Variants in ARID2 observed in about 807,000 individuals in gnomAD.
ARID2 encodes AT-rich interactive domain-containing protein 2.
In ARID2, 32 loss-of-function variants were observed where a neutral mutation model predicts 184.6. The ratio of observed to expected loss-of-function variants is 0.17; its 90% confidence interval spans 0.13 to 0.23. The LOEUF (loss-of-function observed/expected upper bound fraction) is 0.23. Ranked by LOEUF, ARID2 falls within the 10% of genes least tolerant of loss-of-function variation. ARID2 has a pLI of 1.00. For synonymous variants in ARID2, 836 were observed against 772.6 expected (o/e 1.08, Z -1.36); for missense variants, 1,696 against 2,197.6 (o/e 0.77, Z 4.56).
At chr12:45,746,103 T>G (rs1366181551) in intron 3 of ARID2, among the ~76,000 whole-genome samples, 2 of 151,580 alleles carry the variant, frequency 1.3e-5, no homozygotes, top group African/African-American at 4.8e-5. Context: ...TGGTTTGATT[T>G]TTTTTTTTTT....
Position 45,850,299 on chromosome 12 carries a change from A to G in ARID2, c.2176A>G (p.Thr726Ala), listed in dbSNP as rs1214635419. 6.2e-7 allele frequency: 1 copy of G among 1,614,092 alleles called. No individual in the cohort carries two copies. The highest frequency in any genetic ancestry group is 1.1e-5 in the South Asian group (1 of 91,082). ...ATVIQNSIPQ[T>A]GVPVSIAVGG... ...AGTTATCCAGAATTCCATACCCCAG[A>G]CAGGAGTTCCTGTTAGTATTGCTGT... Residue 726 changes from threonine (T) to alanine (A), a missense_variant, in exon 15 of 21, where the codon ACA becomes GCA. Coordinates refer to ENST00000334344, the MANE Select transcript of ARID2 (RefSeq NM_152641.4).
At chr12:45,784,830 C>A (rs1275716356) in intron 3 of ARID2, among the ~76,000 whole-genome samples, 1 of 152,138 alleles carries the variant, frequency 6.6e-6, no homozygotes, top group Non-Finnish European at 1.5e-5. Flanking sequence ...TAAACTCCTG[C>A]CTTTCTATAG....
At chr12:45,730,873 CTTTTTTTTTT>C (rs564524227) in intron 2 of ARID2, among the ~76,000 whole-genome samples, 1 of 96,688 alleles carries the variant, frequency 1.0e-5, no homozygotes. Flanking sequence ...TCCTTTTGAA[CTTTTTTTTTT>C]TTTTTTTTTT....
In ARID2 at chr12:45,839,429, G is replaced by A. The variant is rs762920882; in HGVS notation, c.1431G>A (p.Met477Ile). 6.2e-7 allele frequency: 1 copy of A among 1,614,108 alleles called. No homozygotes were observed. Among genetic ancestry groups the A allele is most frequent in the Non-Finnish European group, 8.5e-7 (1 of 1,179,996 alleles). The change falls in exon 11 of 21, where the codon ATG (methionine) becomes ATA (isoleucine). Residue 477 changes from methionine to isoleucine, a missense_variant. By Grantham distance (10) the Met-to-Ile change is conservative. This residue lies in a region of ARID2 where 713 missense variants were observed against 824.4 expected (regional missense o/e 0.86). Coordinates refer to ENST00000334344, the MANE Select transcript of ARID2 (RefSeq NM_152641.4). ...LIEHPSSSHQ[M>I]LSEIRPQAIE... ...AACACCCAAGTTCCAGTCATCAAAT[G>A]TTATCTGAAATTAGGCCACAAGCTA... is the stretch of plus-strand genomic sequence containing the variant.
rs187067799 is a variant in ARID2, at chr12:45,906,459, T to A, written c.*1381T>A. ...TCCTTAGGATGTGCAGTAAAAAATA[T>A]AGACCTAACAGTTTATGTTATAGAA... On this transcript the variant is annotated 3_prime_UTR_variant, in exon 21 of 21. Transcript: ENST00000334344. The A allele has an allele frequency of 1.7e-5, 4 of 232,946 alleles. No homozygotes were observed. The Admixed American group carries it at 2.2e-4, about 13-fold the overall frequency. The allele number at this position is 232,946 out of a possible 1,614,324, so 14.4% of individuals were successfully genotyped here.
In ARID2 at chr12:45,794,031, C is replaced by A. The variant is rs540694565; in HGVS notation, c.285-17387C>A. On this transcript the variant is annotated intron_variant, in intron 3 of 20. Coordinates refer to ENST00000334344, the MANE Select transcript of ARID2 (RefSeq NM_152641.4). ...TGTTTGGTAATTTCAGCATCTGGAG[C>A]AGTTTTGAGTGTGTTTTTATGGAAG... 3.6e-4 allele frequency among the ~76,000 whole-genome samples: 55 copies of A among 152,176 alleles called. No individual in the cohort carries two copies. The Middle Eastern group carries it at 0.01, about 28-fold the overall frequency.
At chr12:45,873,507 T>C (rs78787742) in intron 16 of ARID2, among the ~76,000 whole-genome samples, 3,259 of 152,332 alleles carry the variant, frequency 0.021, 56 homozygotes, top group Non-Finnish European at 0.034. Flanking sequence ...AACTTTTTCA[T>C]TTGTGGTTAT....
Position 45,892,028 on chromosome 12 carries a change from G to C in ARID2, c.5079G>C (p.Lys1693Asn). ...TCAAAAAGGATAAGCACTGTTCAAAGGATGCCCTACTTGCAGGATTAAAAC... is the reference window on the plus strand; with the variant it reads ...TCAAAAAGGATAAGCACTGTTCAAACGATGCCCTACTTGCAGGATTAAAAC... ...ITHLQDKHCS[K>N]DALLAGLKQD... The change falls in exon 18 of 21, where the codon AAG becomes AAC. Residue 1693 changes from lysine to asparagine, a missense_variant. By Grantham distance (94) the Lys-to-Asn change is moderately conservative (BLOSUM62 0). Around this residue, in one of 11 missense-constraint regions of ARID2, gnomAD observed 58 missense variants for 47.1 expected, o/e 1.23. Transcript: ENST00000334344. 1 of 1,614,144 alleles carries C rather than the reference G, an allele frequency of 6.2e-7. No homozygotes were observed. Among genetic ancestry groups the C allele is most frequent in the Non-Finnish European group, 8.5e-7 (1 of 1,180,006 alleles).
intron 6 of ARID2, among the ~76,000 whole-genome samples, chr12:45,834,782 T>A (rs995678379): frequency 6.6e-6 from 1 of 152,252 alleles, no homozygotes; most frequent in Non-Finnish European, 1.5e-5. Flanking sequence ...TCCATCATTT[T>A]GAAAATATCC....
intron 18 of ARID2, among the ~76,000 whole-genome samples, chr12:45,892,450 G>A (rs1944312823): frequency 6.6e-6 from 1 of 150,600 alleles, no homozygotes; most frequent in Admixed American, 6.6e-5. Flanking sequence ...ATTTGATAAT[G>A]GCAAAGAGAT....
At chr12:45,893,270 C>A in intron 18 of ARID2, 150 bp from the exon 19 acceptor site, 1 of 872,958 alleles carries the variant, frequency 1.1e-6, no homozygotes, top group Non-Finnish European at 1.6e-6. Flanking sequence ...AGAGCATAAA[C>A]GTTAATGCTA....
Position 45,852,629 on chromosome 12 carries a change from C to T in ARID2, c.4506C>T (p.Asp1502=), listed in dbSNP as rs750761318. ...CCCATTCTCCTGCCCTATCATCTGACGTTCGGTCTACAAATGGCACAGCAG... is the reference window on the plus strand; with the variant it reads ...CCCATTCTCCTGCCCTATCATCTGATGTTCGGTCTACAAATGGCACAGCAG... ...KVSHSPALSS[D]VRSTNGTAEC... Residue 1502 remains aspartate (D), a synonymous_variant, in exon 15 of 21, where the codon GAC becomes GAT. Transcript: ENST00000334344. 1.2e-5 allele frequency: 19 copies of T among 1,614,046 alleles called. No individual in the cohort carries two copies. Among genetic ancestry groups the T allele is most frequent in the African/African-American group, 5.3e-5 (4 of 74,928 alleles).
At chr12:45,770,264 C>A (rs565798584) in intron 3 of ARID2, among the ~76,000 whole-genome samples, 3 of 151,120 alleles carry the variant, frequency 2.0e-5, no homozygotes, top group Non-Finnish European at 4.4e-5. Flanking sequence ...AAAAAAAAAA[C>A]AAAAAACAAG....
In ARID2 at chr12:45,892,108, G is replaced by C. The variant is rs183046675; in HGVS notation, c.5147+12G>C. ...AAGTCTTCTACCAAGTAAGGAAAAT[G>C]AGTTTACTTCCTGTTGTACATACAA... On this transcript the variant is annotated intron_variant, in intron 18 of 20. Transcript: ENST00000334344. 87 of 1,610,132 alleles carry C rather than the reference G, an allele frequency of 5.4e-5. No homozygotes were observed. The highest frequency in any genetic ancestry group is 7.3e-5 in the Non-Finnish European group (86 of 1,178,234).
chr12:45,832,167 A>C (rs1943134640), intron 6 of ARID2, among the ~76,000 whole-genome samples: 1 of 152,096 alleles, frequency 6.6e-6, no homozygotes, highest in Non-Finnish European at 1.5e-5. Context: ...TGTTTCAAGG[A>C]TATTTTTGAT....
chr12:45,884,430 A>G (rs1944153297), intron 16 of ARID2, among the ~76,000 whole-genome samples: 2 of 152,204 alleles, frequency 1.3e-5, no homozygotes, highest in Admixed American at 1.3e-4. Flanking sequence ...CATTGTTATA[A>G]TACCTGAATT....
At chr12:45,789,856 T>A (rs192890831) in intron 3 of ARID2, among the ~76,000 whole-genome samples, 118 of 152,268 alleles carry the variant, frequency 7.7e-4, no homozygotes, top group Non-Finnish European at 3.8e-4. Context: ...GTGGCTTATG[T>A]CTGTAATCCT....
intron 6 of ARID2, among the ~76,000 whole-genome samples, chr12:45,827,109 G>T (rs1181761115): frequency 6.6e-6 from 1 of 151,466 alleles, no homozygotes. Flanking sequence ...TATAAAAAAC[G>T]TTTTTTCTTA....
chr12:45,895,137 A>G (rs920672751), intron 20 of ARID2, among the ~76,000 whole-genome samples: 8 of 152,050 alleles, frequency 5.3e-5, no homozygotes, highest in Non-Finnish European at 8.8e-5. Flanking sequence ...TTTTAATCTC[A>G]TTGTTTTGAA....
Sources: gnomAD v4.1 joint callset for allele counts (sites outside exome capture counted in the v4.1 genomes callset) on GRCh38, gnomAD v4.1.1 for gene constraint, gnomAD v4.1.1 regional missense constraint, MANE v1.5 for transcripts, NCBI Gene and HGNC (gene_info 2026-07-23, HGNC 2026-07-21) for gene names.